Variants in RBFOX1 observed in about 807,000 individuals in gnomAD.
The protein encoded by RBFOX1 is RNA binding fox-1 homolog 1.
Under a neutral mutation model 57.7 loss-of-function variants are expected in RBFOX1, and 8 were observed. The ratio of observed to expected loss-of-function variants is 0.14; its 90% CI spans 0.08 to 0.25. The LOEUF (loss-of-function observed/expected upper bound fraction) is 0.25. Among genes scored for constraint, RBFOX1 ranks in the 10% least tolerant of loss-of-function variants. The pLI is 1.00. For missense variants in RBFOX1, 611 were observed against 548.5 expected (o/e 1.11, Z -1.14); for synonymous variants, 326 against 222.4 (o/e 1.47, Z -4.15).
At chr16:7,671,496 G>A in intron 13 of RBFOX1, 1 of 1,436,692 alleles carries the variant, frequency 7.0e-7, no homozygotes, top group Non-Finnish European at 9.7e-7. Context: ...TCTGACTTAT[G>A]CATTCTCTTT....
At chr16:5,764,776 C>T (rs938191148) in intron 3 of RBFOX1, among the ~76,000 whole-genome samples, 1 of 148,922 alleles carries the variant, frequency 6.7e-6, no homozygotes, top group African/African-American at 2.5e-5. Flanking sequence ...GCCCTGCCTA[C>T]CTGTCATTAT....
At chr16:6,695,092 C>T (rs1327036910) in intron 3 of RBFOX1, among the ~76,000 whole-genome samples, 2 of 151,986 alleles carry the variant, frequency 1.3e-5, no homozygotes, top group Admixed American at 6.6e-5. Context: ...TCAGAAAGCC[C>T]TTGTCCCAGT....
chr16:7,229,673 T>C (rs1278714180), intron 4 of RBFOX1, among the ~76,000 whole-genome samples: 10 of 33,382 alleles, frequency 3.0e-4, no homozygotes, highest in East Asian at 9.1e-4. Context: ...GCAAAGGAAG[T>C]AAGGGAGAGA....
intron 3 of RBFOX1, among the ~76,000 whole-genome samples, chr16:5,651,039 T>G (rs1398723017): frequency 8.1e-6 from 1 of 123,916 alleles, no homozygotes; most frequent in Non-Finnish European, 1.6e-5. Flanking sequence ...ACTACCTCCT[T>G]CTTTTTTTTT....
At chr16:5,836,675 C>T (rs749214818) in intron 3 of RBFOX1, among the ~76,000 whole-genome samples, 5 of 152,086 alleles carry the variant, frequency 3.3e-5, no homozygotes, top group East Asian at 3.9e-4. Flanking sequence ...TTCTTTGTTG[C>T]GGGGGAGCTG....
chr16:7,447,720 T>G (rs147978798), intron 4 of RBFOX1, among the ~76,000 whole-genome samples: 54 of 152,332 alleles, frequency 3.5e-4, no homozygotes, highest in African/African-American at 1.3e-3. Context: ...ATCCTCTTCT[T>G]TTATTAAGCA....
chr16:5,819,355 T>A (rs1430895902), intron 3 of RBFOX1, among the ~76,000 whole-genome samples: 1 of 152,162 alleles, frequency 6.6e-6, no homozygotes, highest in East Asian at 1.9e-4. Flanking sequence ...GCCTCACCTC[T>A]TTTAGGGGAC....
intron 3 of RBFOX1, among the ~76,000 whole-genome samples, chr16:6,729,020 C>G (rs5006207): frequency 0.91 from 137,710 of 152,042 alleles, 63,982 homozygotes; most frequent in East Asian, 1. Flanking sequence ...ACAAATCATA[C>G]GGGGATAACT....
chr16:5,472,964 G>C (rs531333455), intron 2 of RBFOX1, among the ~76,000 whole-genome samples: 2 of 152,246 alleles, frequency 1.3e-5, no homozygotes, highest in South Asian at 4.1e-4. Context: ...ATCAGACTAT[G>C]TCCAGACAGT....
At chr16:5,700,980 G>C (rs980712817) in intron 3 of RBFOX1, among the ~76,000 whole-genome samples, 1 of 152,182 alleles carries the variant, frequency 6.6e-6, no homozygotes. Flanking sequence ...ACTTCCAAAA[G>C]GTAGAATGAC....
At chr16:5,672,286 A>G (rs546813928) in intron 3 of RBFOX1, among the ~76,000 whole-genome samples, 2 of 152,138 alleles carry the variant, frequency 1.3e-5, no homozygotes, top group Non-Finnish European at 2.9e-5. Context: ...AAAATGAATT[A>G]CAGATCAATA....
intron 3 of RBFOX1, among the ~76,000 whole-genome samples, chr16:6,951,446 C>T (rs977058065): frequency 3.3e-5 from 5 of 152,128 alleles, no homozygotes; most frequent in African/African-American, 1.2e-4. Context: ...AGTCAGCTCA[C>T]TTAATCAGGA....
intron 4 of RBFOX1, among the ~76,000 whole-genome samples, chr16:7,361,777 C>T (rs1219288923): frequency 2.0e-5 from 3 of 151,872 alleles, no homozygotes; most frequent in East Asian, 1.9e-4. Context: ...AGGGGCAAAC[C>T]GTGTGTATGT....
intron 11 of RBFOX1, among the ~76,000 whole-genome samples, chr16:7,653,357 C>T (rs2065508191): frequency 6.6e-6 from 1 of 152,062 alleles, no homozygotes; most frequent in Non-Finnish European, 1.5e-5. Flanking sequence ...AAAAAATTAG[C>T]CAGGTGTGGT....
intron 1 of RBFOX1, among the ~76,000 whole-genome samples, chr16:6,112,739 G>A (rs886280168): frequency 5.9e-5 from 9 of 152,128 alleles, no homozygotes; most frequent in East Asian, 1.9e-4. Context: ...GAGTGGAATC[G>A]TTTTCACATG....
intron 1 of RBFOX1, among the ~76,000 whole-genome samples, chr16:6,113,303 C>G (rs765692750): frequency 6.6e-6 from 1 of 152,208 alleles, no homozygotes; most frequent in Non-Finnish European, 1.5e-5. Flanking sequence ...CCTCTCACCT[C>G]TCATTGGCCA....
At chr16:5,284,549 T>C (rs1465359737) in intron 1 of RBFOX1, among the ~76,000 whole-genome samples, 1 of 150,526 alleles carries the variant, frequency 6.6e-6, no homozygotes, top group Non-Finnish European at 1.5e-5. Context: ...CTTTTTTTTT[T>C]TTTTTTTTAG....
chr16:6,187,806 C>A (rs1327815004), intron 1 of RBFOX1, among the ~76,000 whole-genome samples: 2 of 152,128 alleles, frequency 1.3e-5, no homozygotes, highest in African/African-American at 4.8e-5. Flanking sequence ...TTGCCAGACA[C>A]CCAGAGCAAA....
intron 3 of RBFOX1, among the ~76,000 whole-genome samples, chr16:5,607,953 G>C (rs1421823423): frequency 1.3e-5 from 2 of 152,198 alleles, no homozygotes; most frequent in Non-Finnish European, 2.9e-5. Context: ...GGGGTTGTTT[G>C]TAGTTTGGGG....
Sources: allele counts gnomAD v4.1 joint callset (sites outside exome capture counted in the v4.1 genomes callset), GRCh38; gene constraint gnomAD v4.1.1; transcripts MANE v1.5; gene names NCBI Gene and HGNC (gene_info 2026-07-23, HGNC 2026-07-21).